Variants in CTNNA3 observed in about 807,000 individuals in gnomAD.
CTNNA3 encodes the protein catenin alpha 3, also known as catenin alpha-3.
Under a neutral mutation model 95.7 loss-of-function variants are expected in CTNNA3, and 76 were observed. The ratio of observed to expected loss-of-function variants is 0.79; its 90% CI spans 0.66 to 0.96. The LOEUF (loss-of-function observed/expected upper bound fraction) is 0.96. Ranked by LOEUF, CTNNA3 falls within the 40% of genes least tolerant of loss-of-function variation. CTNNA3 has a pLI of 0.00. For missense variants in CTNNA3, 1,191 were observed against 1,089.8 expected (o/e 1.09, Z -1.31); for synonymous variants, 431 against 374.4 (o/e 1.15, Z -1.74).
intron 7 of CTNNA3, among the ~76,000 whole-genome samples, chr10:67,070,384 C>A (rs1207451015): frequency 6.6e-6 from 1 of 152,060 alleles, no homozygotes; most frequent in East Asian, 1.9e-4. Context: ...TTTTGATGAA[C>A]AAAAGTTCTT....
intron 3 of CTNNA3, among the ~76,000 whole-genome samples, chr10:67,568,511 G>A (rs796078896): frequency 1.3e-4 from 20 of 149,142 alleles, no homozygotes; most frequent in African/African-American, 4.2e-4. Flanking sequence ...TTCCTTGCAC[G>A]CACACACACA....
intron 12 of CTNNA3, among the ~76,000 whole-genome samples, chr10:66,312,222 T>C (rs1355889806): frequency 6.6e-6 from 1 of 152,168 alleles, no homozygotes; most frequent in Non-Finnish European, 1.5e-5. Context: ...CTTGTGTGGC[T>C]GGTCTCCTTA....
chr10:66,647,668 G>A lies in CTNNA3; in HGVS notation c.1282-25884C>T, dbSNP rs1036173237. The stretch of plus-strand genomic sequence containing the variant: ...TGGGACTACAGGCACCTGCCACCAC[G>A]CCCAGCTAAATTTTTTTTTTTTTTG... On this transcript the variant is annotated intron_variant, in intron 9 of 17. Coordinates refer to ENST00000433211, the MANE Select transcript of CTNNA3 (RefSeq NM_013266.4). 3.0e-5 allele frequency among the ~76,000 whole-genome samples: 4 copies of A among 133,496 alleles called. No individual in the cohort carries two copies. The South Asian group carries it at 8.2e-4, about 27-fold the overall frequency. 87.6% of individuals were successfully genotyped at this position (133,496 alleles called of 152,430 possible).
chr10:67,188,631 C>T (rs1231635367), intron 6 of CTNNA3, among the ~76,000 whole-genome samples: 1 of 152,078 alleles, frequency 6.6e-6, no homozygotes, highest in African/African-American at 2.4e-5. Context: ...AATCAGCAAT[C>T]CCACTACTGT....
chr10:66,526,019 T>C (rs1477529424), intron 10 of CTNNA3, among the ~76,000 whole-genome samples: 2 of 152,212 alleles, frequency 1.3e-5, no homozygotes, highest in Non-Finnish European at 2.9e-5. Flanking sequence ...TTCTACAGTA[T>C]GTACATACTA....
chr10:66,707,288 G>T (rs2132592408), intron 9 of CTNNA3, among the ~76,000 whole-genome samples: 1 of 152,116 alleles, frequency 6.6e-6, no homozygotes, highest in Admixed American at 6.6e-5. Context: ...CCCACTTTGT[G>T]CACAATGTAT....
intron 9 of CTNNA3, among the ~76,000 whole-genome samples, chr10:66,755,242 G>A (rs986452867): frequency 6.6e-6 from 1 of 152,118 alleles, no homozygotes; most frequent in Non-Finnish European, 1.5e-5. Context: ...TATATTTAAT[G>A]TCCAGAATAA....
intron 5 of CTNNA3, among the ~76,000 whole-genome samples, chr10:67,305,989 G>T (rs528921390): frequency 6.6e-6 from 1 of 152,204 alleles, no homozygotes; most frequent in Non-Finnish European, 1.5e-5. Context: ...GAATCAGTGT[G>T]CTTGACAAGT....
At chr10:66,143,273 C>G (rs2083707636) in intron 13 of CTNNA3, among the ~76,000 whole-genome samples, 1 of 151,934 alleles carries the variant, frequency 6.6e-6, no homozygotes, top group African/African-American at 2.4e-5. Flanking sequence ...TATTATGATA[C>G]CAAGCAATAG....
At chr10:67,368,641 C>T (rs528076191) in intron 5 of CTNNA3, among the ~76,000 whole-genome samples, 18 of 152,172 alleles carry the variant, frequency 1.2e-4, no homozygotes, top group East Asian at 7.7e-4. Context: ...AATAAATAAA[C>T]GAATAATGGT....
intron 7 of CTNNA3, among the ~76,000 whole-genome samples, chr10:67,079,068 A>G (rs1240713627): frequency 6.6e-6 from 1 of 152,216 alleles, no homozygotes; most frequent in East Asian, 1.9e-4. Context: ...ATTTCAAGCC[A>G]CCAATAATTC....
At chr10:67,371,975 G>C (rs1436085029) in intron 5 of CTNNA3, among the ~76,000 whole-genome samples, 1 of 152,086 alleles carries the variant, frequency 6.6e-6, no homozygotes, top group African/African-American at 2.4e-5. Flanking sequence ...TTGTCTGATG[G>C]CCAGTGATGA....
chr10:66,200,102 C>CACGCAT (rs1301870382), intron 13 of CTNNA3, among the ~76,000 whole-genome samples: 1 of 151,090 alleles, frequency 6.6e-6, no homozygotes, highest in African/African-American at 2.4e-5. Flanking sequence ...TGTATGTATG[C>CACGCAT]ACGCATACAC....
chr10:67,105,386 T>C (rs560885610), intron 7 of CTNNA3, among the ~76,000 whole-genome samples: 1 of 152,244 alleles, frequency 6.6e-6, no homozygotes, highest in African/African-American at 2.4e-5. Context: ...ACATGTTCTT[T>C]CCAAGGTCAA....
chr10:66,360,356 T>C (rs1467588508), intron 12 of CTNNA3, among the ~76,000 whole-genome samples: 3 of 152,124 alleles, frequency 2.0e-5, no homozygotes, highest in African/African-American at 7.2e-5. Flanking sequence ...TATATCTTCA[T>C]TGTAGGAAAG....
chr10:66,020,397 G>A (rs780678172), intron 15 of CTNNA3, among the ~76,000 whole-genome samples: 11 of 152,158 alleles, frequency 7.2e-5, no homozygotes, highest in Non-Finnish European at 1.3e-4. Context: ...AGACCAGAGG[G>A]GTGATGGACA....
chr10:67,371,423 C>T (rs1843458246), intron 5 of CTNNA3, among the ~76,000 whole-genome samples: 1 of 144,818 alleles, frequency 6.9e-6, no homozygotes, highest in East Asian at 2.2e-4. Flanking sequence ...TGTTCCCCTT[C>T]CTGTGTCCAT....
chr10:65,950,304 C>G (rs2077588160), intron 17 of CTNNA3, among the ~76,000 whole-genome samples: 1 of 152,128 alleles, frequency 6.6e-6, no homozygotes, highest in Non-Finnish European at 1.5e-5. Flanking sequence ...CAGTCTTGTG[C>G]CTTTTTCCAC....
chr10:66,561,031 G>A (rs562143078), intron 10 of CTNNA3, among the ~76,000 whole-genome samples: 1 of 151,870 alleles, frequency 6.6e-6, no homozygotes, highest in East Asian at 1.9e-4. Flanking sequence ...GCCAGCCTAA[G>A]GTAATTTGTT....
Sources: allele counts gnomAD v4.1 joint callset (sites outside exome capture counted in the v4.1 genomes callset), GRCh38; gene constraint gnomAD v4.1.1; transcripts MANE v1.5; gene names NCBI Gene and HGNC (gene_info 2026-07-23, HGNC 2026-07-21).